PEPD: variants seen among roughly 807,000 people sequenced by gnomAD.
PEPD encodes the protein peptidase D.
Under a neutral mutation model 60.7 loss-of-function variants are expected in PEPD, and 53 were observed. The observed-to-expected ratio is 0.87, with a 90% confidence interval of 0.70 to 1.10. The LOEUF is 1.10. Among genes scored for constraint, PEPD ranks in the 50% least tolerant of loss-of-function variants. PEPD has a pLI of 0.00. For synonymous variants in PEPD, 267 were observed against 284.1 expected (o/e 0.94, Z 0.60); for missense variants, 711 against 711.9 (o/e 1.00, Z 0.01).
intron 9 of PEPD, among the ~76,000 whole-genome samples, chr19:33,447,443 C>A (rs949012010): frequency 5.9e-5 from 9 of 152,228 alleles, no homozygotes; most frequent in Non-Finnish European, 1.5e-5. Context: ...GTCCCCCTGC[C>A]AAGTTCCTGC....
rs2145347237 is a variant in PEPD, at chr19:33,401,911, C to T, written c.819-42G>A. 3 of 1,601,966 alleles carry T rather than the reference C, an allele frequency of 1.9e-6. No homozygotes were observed. The African/African-American group carries it at 4.0e-5, about 21-fold the overall frequency. Reference sequence around the variant, plus strand: ...GCAGGGCAAGTGGGTACTGGGGTGCCACCGCCCCCTTACCCTTACCGCTCC... The same window carrying T: ...GCAGGGCAAGTGGGTACTGGGGTGCTACCGCCCCCTTACCCTTACCGCTCC... On this transcript the variant is annotated intron_variant, in intron 11 of 14. Transcript: ENST00000244137.
intron 1 of PEPD, among the ~76,000 whole-genome samples, chr19:33,518,015 C>T (rs1351900560): frequency 1.3e-5 from 2 of 152,116 alleles, no homozygotes; most frequent in African/African-American, 4.8e-5. Flanking sequence ...CGCTAAGTTC[C>T]CAGTAGGAGA....
At chr19:33,443,786 G>A (rs1221400320) in intron 9 of PEPD, among the ~76,000 whole-genome samples, 1 of 152,222 alleles carries the variant, frequency 6.6e-6, no homozygotes, top group African/African-American at 2.4e-5. Flanking sequence ...ACGCACATGC[G>A]CATGCACACA....
chr19:33,401,565 G>A (rs1968491127), intron 12 of PEPD, among the ~76,000 whole-genome samples, 156 bp downstream of exon 12: 1 of 152,222 alleles, frequency 6.6e-6, no homozygotes, highest in South Asian at 2.1e-4. Flanking sequence ...GAGTGACCCT[G>A]GAGACCTGAC....
intron 7 of PEPD, among the ~76,000 whole-genome samples, chr19:33,465,220 C>G (rs1395241189): frequency 1.3e-5 from 2 of 152,194 alleles, no homozygotes; most frequent in Non-Finnish European, 2.9e-5. Flanking sequence ...ATACTTCCCA[C>G]CCCAAAGCCA....
intron 12 of PEPD, among the ~76,000 whole-genome samples, chr19:33,397,504 C>T (rs747417728): frequency 2.4e-4 from 36 of 151,884 alleles, no homozygotes; most frequent in Non-Finnish European, 4.3e-4. Flanking sequence ...GCTCTGTGGG[C>T]CCAGGGCCTG....
chr19:33,489,505 T>C (rs1278885298), intron 6 of PEPD, among the ~76,000 whole-genome samples: 1 of 150,914 alleles, frequency 6.6e-6, no homozygotes, highest in Admixed American at 6.6e-5. Context: ...GGCGGGTGCC[T>C]GTAATCCCAG....
At chr19:33,446,888 C>T (rs1969604478) in intron 9 of PEPD, among the ~76,000 whole-genome samples, 2 of 152,220 alleles carry the variant, frequency 1.3e-5, no homozygotes, top group African/African-American at 4.8e-5. Flanking sequence ...GGGCATCTAG[C>T]CCCTCTTATC....
At chr19:33,419,801 A>G (rs1393534306) in intron 9 of PEPD, among the ~76,000 whole-genome samples, 1 of 152,104 alleles carries the variant, frequency 6.6e-6, no homozygotes, top group Non-Finnish European at 1.5e-5. Flanking sequence ...CAACTGGCCC[A>G]CCAAGTCCTG....
chr19:33,498,825 A>G (rs190880678), intron 4 of PEPD, among the ~76,000 whole-genome samples: 3 of 137,232 alleles, frequency 2.2e-5, no homozygotes, highest in East Asian at 2.3e-4. Flanking sequence ...TTGAGACAGG[A>G]TCCTGGAGTC....
chr19:33,459,200 C>G (rs1969881470), intron 9 of PEPD, among the ~76,000 whole-genome samples: 1 of 152,100 alleles, frequency 6.6e-6, no homozygotes, highest in Non-Finnish European at 1.5e-5. Context: ...GTACCCGTCA[C>G]ACTACACAGA....
At chr19:33,500,592 C>T (rs1377623995) in intron 4 of PEPD, among the ~76,000 whole-genome samples, 1 of 152,202 alleles carries the variant, frequency 6.6e-6, no homozygotes, top group Admixed American at 6.5e-5. Context: ...ACACGAAGAC[C>T]CCGGCCCAGC....
Position 33,411,768 on chromosome 19 carries a change from G to C in PEPD, c.741-19C>G, listed in dbSNP as rs977571944. On this transcript the variant is annotated intron_variant, in intron 10 of 14. Coordinates refer to ENST00000244137, the MANE Select transcript of PEPD (RefSeq NM_000285.4). The stretch of plus-strand genomic sequence containing the variant: ...CTCACCACTGCAAAGAGCCGGGGGA[G>C]GGTGATCAAAGCCCATTCTTCTGCA... 1 of 1,533,130 alleles carries C rather than the reference G, an allele frequency of 6.5e-7. No homozygotes were observed. Among genetic ancestry groups the C allele is most frequent in the Non-Finnish European group, 9.0e-7 (1 of 1,108,606 alleles). 95.0% of individuals were successfully genotyped at this position (1,533,130 alleles called of 1,614,324 possible). A position where few individuals can be genotyped will look rare whatever the true frequency, so the allele number is the denominator to read the frequency against.
intron 9 of PEPD, among the ~76,000 whole-genome samples, chr19:33,436,631 A>T (rs996282565): frequency 1.3e-5 from 2 of 152,244 alleles, no homozygotes; most frequent in Non-Finnish European, 2.9e-5. Flanking sequence ...TGGGAAAATC[A>T]ATGTTATTAC....
chr19:33,466,884 G>A (rs1040251431), intron 7 of PEPD, among the ~76,000 whole-genome samples: 7 of 152,054 alleles, frequency 4.6e-5, no homozygotes, highest in African/African-American at 9.7e-5. Context: ...TAGGCCGGGC[G>A]CGGTGGCTCA....
At chr19:33,501,023 T>C (rs1446402522) in intron 3 of PEPD, 22 bp from the exon 4 acceptor site, 1 of 1,501,670 alleles carries the variant, frequency 6.7e-7, no homozygotes, top group Admixed American at 1.7e-5. Context: ...GCACAAGGAA[T>C]ATCAGGGTCA....
intron 9 of PEPD, among the ~76,000 whole-genome samples, chr19:33,448,097 G>C (rs949311344): frequency 2.6e-5 from 4 of 152,176 alleles, no homozygotes; most frequent in Non-Finnish European, 2.9e-5. Flanking sequence ...ACAGAACTCA[G>C]AGCTAGGAGG....
intron 10 of PEPD, among the ~76,000 whole-genome samples, chr19:33,412,973 CAT>C (rs770742657): frequency 1.3e-5 from 2 of 152,222 alleles, no homozygotes; most frequent in South Asian, 2.1e-4. Flanking sequence ...TCATTTCTAC[CAT>C]GTGTGTGCCT....
intron 11 of PEPD, among the ~76,000 whole-genome samples, chr19:33,402,398 A>G (rs917550460): frequency 1.3e-5 from 2 of 152,086 alleles, no homozygotes; most frequent in African/African-American, 4.8e-5. Context: ...CACGGCCTAG[A>G]ACTCCGGGCC....
Sources: gnomAD v4.1 joint callset for allele counts (sites outside exome capture counted in the v4.1 genomes callset) on GRCh38, gnomAD v4.1.1 for gene constraint, MANE v1.5 for transcripts, NCBI Gene and HGNC (gene_info 2026-07-23, HGNC 2026-07-21) for gene names.